The following DYRK4 variants were observed in gnomAD, a reference collection of about 807,000 sequenced individuals.
DYRK4 encodes dual specificity tyrosine phosphorylation regulated kinase 4.
Under a neutral mutation model 68.3 loss-of-function variants are expected in DYRK4, and 64 were observed. That is an observed-to-expected ratio of 0.94 (90% confidence interval 0.77 to 1.15). The LOEUF is 1.15. Among genes scored for constraint, DYRK4 ranks in the 50% most tolerant of loss-of-function variants. The pLI is 0.00. For missense variants in DYRK4, 740 were observed against 764.7 expected (o/e 0.97, Z 0.38); for synonymous variants, 274 against 289.9 (o/e 0.95, Z 0.56).
intron 5 of DYRK4, 200 bp from the exon 6 acceptor site, chr12:4,592,799 TTTG>T (rs1944971763): frequency 1.9e-6 from 1 of 521,786 alleles, no homozygotes; most frequent in Non-Finnish European, 3.3e-6. Flanking sequence ...CCTTTCTCGA[TTTG>T]TTGAAATAAA....
rs1320142041 is a variant in DYRK4 at position 4,590,137 on chromosome 12, G to C, written c.214-193G>C. On this transcript the variant is annotated intron_variant, in intron 3 of 14. Coordinates refer to ENST00000543431, the MANE Select transcript of DYRK4 (RefSeq NM_001394779.1). ...AGTAGAGCAGGGACTCAAACCCAGA[G>C]CCCATGTGTTTGTTGACTCTGCTGC... 5.2e-6 allele frequency: 7 copies of C among 1,345,838 alleles called. No individual in the cohort carries two copies. In the East Asian group the frequency reaches 2.1e-4, roughly 40 times the overall value. 83.4% of individuals were successfully genotyped at this position (1,345,838 alleles called of 1,614,324 possible).
At chr12:4,576,451 T>A (rs749060005) in intron 2 of DYRK4, among the ~76,000 whole-genome samples, 9 of 152,252 alleles carry the variant, frequency 5.9e-5, no homozygotes, top group Non-Finnish European at 7.3e-5. Context: ...TTTTTAGCAG[T>A]TATAAATAAA....
At chr12:4,562,863 C>T (rs1944642433) in intron 1 of DYRK4, among the ~76,000 whole-genome samples, 2 of 151,936 alleles carry the variant, frequency 1.3e-5, no homozygotes, top group Admixed American at 1.3e-4. Flanking sequence ...CAGGAAATTC[C>T]CAATATTAGC....
chr12:4,578,860 T>C (rs894206757), intron 2 of DYRK4, among the ~76,000 whole-genome samples: 2 of 152,212 alleles, frequency 1.3e-5, no homozygotes, highest in African/African-American at 4.8e-5. Context: ...CTAATGACCC[T>C]TGACTGATGA....
At position 4,581,929 on chromosome 12, in the gene DYRK4, C is replaced by T. The variant is rs201002708; in HGVS notation, c.133-7008C>T. On this transcript the variant is annotated intron_variant, in intron 2 of 14. Coordinates refer to ENST00000543431, the MANE Select transcript of DYRK4 (RefSeq NM_001394779.1). ...ATAATGAGATATTTTGGGGATGGGA[C>T]CCAATTCTAAACACAAAATTCATTT... Among the ~76,000 whole-genome samples the T allele has an allele frequency of 1.6e-4, 24 of 152,212 alleles. No individual in the cohort carries two copies. The East Asian group carries it at 4.4e-3, about 28-fold the overall frequency.
At chr12:4,564,175 G>T (rs558851847) in intron 1 of DYRK4, among the ~76,000 whole-genome samples, 3 of 152,238 alleles carry the variant, frequency 2.0e-5, no homozygotes, top group African/African-American at 7.2e-5. Flanking sequence ...CATTTAGATA[G>T]AAGAAATAAG....
At chr12:4,593,619 A>G (rs971436342) in intron 6 of DYRK4, among the ~76,000 whole-genome samples, 7 of 152,140 alleles carry the variant, frequency 4.6e-5, no homozygotes, top group African/African-American at 1.7e-4. Flanking sequence ...TGGTGCATAG[A>G]GCTTAATTTC....
chr12:4,604,855 G>A, intron 10 of DYRK4, 59 bp from the exon 11 acceptor site: 3 of 1,492,870 alleles, frequency 2.0e-6, no homozygotes, highest in Non-Finnish European at 2.7e-6. Flanking sequence ...TCCTGGGGGA[G>A]AGCGTTCTGG....
At chr12:4,573,924 G>A (rs1266357850) in intron 2 of DYRK4, among the ~76,000 whole-genome samples, 3 of 152,120 alleles carry the variant, frequency 2.0e-5, no homozygotes, top group African/African-American at 7.2e-5. Flanking sequence ...CCAACACAAG[G>A]TTTTAAGAAA....
At chr12:4,564,287 A>T (rs1185236343) in intron 1 of DYRK4, 1 of 151,850 alleles carries the variant, frequency 6.6e-6, no homozygotes, top group Non-Finnish European at 1.5e-5. Flanking sequence ...TGACTTGATT[A>T]TATATTATAT....
chr12:4,583,250 CT>C (rs1944861682), intron 2 of DYRK4, among the ~76,000 whole-genome samples: 1 of 152,058 alleles, frequency 6.6e-6, no homozygotes, highest in African/African-American at 2.4e-5. Context: ...CTACCCCTGC[CT>C]TTTGGCTCCT....
At chr12:4,588,833 G>T in intron 2 of DYRK4, 104 bp from the exon 3 acceptor site, 1 of 1,087,648 alleles carries the variant, frequency 9.2e-7, no homozygotes, top group Non-Finnish European at 1.3e-6. Context: ...GGATTCAGGA[G>T]AGCTGGCCTC....
At chr12:4,580,326 A>T (rs1944829218) in intron 2 of DYRK4, among the ~76,000 whole-genome samples, 3 of 152,200 alleles carry the variant, frequency 2.0e-5, no homozygotes, top group Non-Finnish European at 4.4e-5. Context: ...CGTTCGTCCC[A>T]CTAATGGGTC....
At chr12:4,581,041 T>A (rs1944837122) in intron 2 of DYRK4, 1 of 344,298 alleles carries the variant, frequency 2.9e-6, no homozygotes, top group African/African-American at 2.2e-5. Context: ...AGTTCTGCTC[T>A]AACTAGCCCT....
At chr12:4,582,494 T>C in intron 2 of DYRK4, among the ~76,000 whole-genome samples, 1 of 152,112 alleles carries the variant, frequency 6.6e-6, no homozygotes, top group East Asian at 1.9e-4. Flanking sequence ...AAAAAGAGTC[T>C]TATATACCAG....
intron 6 of DYRK4, among the ~76,000 whole-genome samples, chr12:4,594,692 TCAAATCTTA>T (rs1565538712): frequency 6.8e-6 from 1 of 146,198 alleles, no homozygotes; most frequent in African/African-American, 2.6e-5. Flanking sequence ...TTCTTCAGTC[TCAAATCTTA>T]GAAAAGCCTT....
intron 2 of DYRK4, among the ~76,000 whole-genome samples, chr12:4,585,157 G>A (rs1376101318): frequency 1.3e-5 from 2 of 152,118 alleles, no homozygotes; most frequent in Non-Finnish European, 2.9e-5. Flanking sequence ...AGGGAATCCC[G>A]ACTCAAGTGT....
Position 4,589,030 on chromosome 12 carries a change from G to C in DYRK4, c.213+13G>C. 1.3e-6 allele frequency: 2 copies of C among 1,535,628 alleles called. No individual in the cohort carries two copies. Among genetic ancestry groups the C allele is most frequent in the Non-Finnish European group, 1.7e-6 (2 of 1,146,544 alleles). ...AGTCTTTCATAAGGTAGGGAGTGATGGTCAGCTCCTTTTCTCTAGGAGAGA... is the reference window on the plus strand; with the variant it reads ...AGTCTTTCATAAGGTAGGGAGTGATCGTCAGCTCCTTTTCTCTAGGAGAGA... On this transcript the variant is annotated intron_variant, in intron 3 of 14. Coordinates refer to ENST00000543431, the MANE Select transcript of DYRK4 (RefSeq NM_001394779.1).
chr12:4,599,269 A>AATTT, intron 9 of DYRK4, 103 bp downstream of exon 9: 9 of 647,088 alleles, frequency 1.4e-5, no homozygotes, highest in Middle Eastern at 4.9e-4. Context: ...ATTGCCTTTG[A>AATTT]CTTTTTTTTT....
Sources: gnomAD v4.1 joint callset for allele counts (sites outside exome capture counted in the v4.1 genomes callset) on GRCh38, gnomAD v4.1.1 for gene constraint, MANE v1.5 for transcripts, NCBI Gene and HGNC (gene_info 2026-07-23, HGNC 2026-07-21) for gene names.